UNC5D: variants seen among roughly 807,000 people sequenced by gnomAD.
UNC5D encodes the protein netrin receptor UNC5D.
UNC5D carries 39 observed loss-of-function variants against 105.4 expected under a neutral mutation model. The observed-to-expected ratio is 0.37, with a 90% confidence interval of 0.29 to 0.48. The LOEUF (loss-of-function observed/expected upper bound fraction) is 0.48, where lower values mean the gene tolerates loss of function less well. Ranked by LOEUF, UNC5D falls within the 20% of genes least tolerant of loss-of-function variation. The probability of loss-of-function intolerance (pLI) is 0.98; values close to 1 mark genes in which losing one functional copy is unlikely to be tolerated. For synonymous variants in UNC5D, 452 were observed against 450.4 expected (o/e 1.00, Z -0.04); for missense variants, 991 against 1,202.4 (o/e 0.82, Z 2.60).
At chr8:35,432,062 TGG>T (rs1190549932) in intron 1 of UNC5D, among the ~76,000 whole-genome samples, 2 of 152,170 alleles carry the variant, frequency 1.3e-5, no homozygotes, top group African/African-American at 2.4e-5. Flanking sequence ...GTTAAGAGTA[TGG>T]CCTCTGGAGT....
At chr8:35,238,046 T>C (rs1802582061) in intron 1 of UNC5D, among the ~76,000 whole-genome samples, 1 of 152,236 alleles carries the variant, frequency 6.6e-6, no homozygotes, top group Non-Finnish European at 1.5e-5. Context: ...AGGTTGTTCT[T>C]ACTTATCCAA....
At chr8:35,790,217 C>T in intron 16 of UNC5D, 142 bp from the exon 17 acceptor site, 1 of 851,320 alleles carries the variant, frequency 1.2e-6, no homozygotes, top group South Asian at 1.7e-5. Context: ...TAGACTGCCC[C>T]AGACCTGCCT....
intron 1 of UNC5D, among the ~76,000 whole-genome samples, chr8:35,298,587 T>G (rs999310234): frequency 2.5e-5 from 1 of 39,670 alleles, no homozygotes; most frequent in African/African-American, 8.2e-5. Flanking sequence ...TTGTTGTAGG[T>G]TTTTTTTTTT....
At chr8:35,258,469 A>C (rs1221398463) in intron 1 of UNC5D, among the ~76,000 whole-genome samples, 1 of 152,234 alleles carries the variant, frequency 6.6e-6, no homozygotes, top group East Asian at 1.9e-4. Context: ...ACTTTTTAGT[A>C]CTTATGAGCT....
At chr8:35,724,454 C>G (rs560467566) in intron 9 of UNC5D, among the ~76,000 whole-genome samples, 4 of 152,240 alleles carry the variant, frequency 2.6e-5, no homozygotes, top group African/African-American at 9.6e-5. Context: ...ATACACAGAA[C>G]AGACTAGGGA....
intron 16 of UNC5D, among the ~76,000 whole-genome samples, chr8:35,784,423 T>G (rs1434705344): frequency 6.6e-6 from 1 of 152,020 alleles, no homozygotes; most frequent in Admixed American, 6.6e-5. Context: ...GAAGACAAAA[T>G]AATGCTAAAG....
At chr8:35,787,889 A>G (rs547478408) in intron 16 of UNC5D, among the ~76,000 whole-genome samples, 12 of 152,264 alleles carry the variant, frequency 7.9e-5, no homozygotes, top group African/African-American at 1.9e-4. Context: ...ACACTCAGCC[A>G]AAACAAATTT....
intron 1 of UNC5D, among the ~76,000 whole-genome samples, chr8:35,441,907 G>T (rs146225091): frequency 2.1e-4 from 32 of 151,678 alleles, no homozygotes; most frequent in African/African-American, 7.7e-4. Flanking sequence ...TTGATGAAGC[G>T]CCCTGTCTTG....
Position 35,376,442 on chromosome 8 carries a change from A to T in UNC5D, c.103+140555A>T, listed in dbSNP as rs1217512965. ...TAAACCCCGGACCCAGGGGTGAGTGAGTAAACAGTGTAAATTGGGGGTGCC... is the reference window on the plus strand; with the variant it reads ...TAAACCCCGGACCCAGGGGTGAGTGTGTAAACAGTGTAAATTGGGGGTGCC... On this transcript the variant is annotated intron_variant, in intron 1 of 16. Coordinates refer to ENST00000404895, the MANE Select transcript of UNC5D (RefSeq NM_080872.4). Among the ~76,000 whole-genome samples the T allele has an allele frequency of 2.0e-5, 3 of 152,184 alleles. 1 individual carries two copies. The highest frequency in any genetic ancestry group is 4.4e-5 in the Non-Finnish European group (3 of 68,028).
chr8:35,485,278 C>A (rs1810753185), intron 1 of UNC5D, among the ~76,000 whole-genome samples: 1 of 152,178 alleles, frequency 6.6e-6, no homozygotes, highest in African/African-American at 2.4e-5. Flanking sequence ...ATTGTTCCTA[C>A]ATCTGCAGGA....
At chr8:35,583,450 C>A (rs1310814311) in intron 3 of UNC5D, among the ~76,000 whole-genome samples, 2 of 152,054 alleles carry the variant, frequency 1.3e-5, no homozygotes, top group Admixed American at 1.3e-4. Flanking sequence ...GGGAACTGAG[C>A]AGCCTAAGTG....
intron 1 of UNC5D, among the ~76,000 whole-genome samples, chr8:35,413,292 T>TGTTGTGTGTGTGTG (rs56157732): frequency 1.6e-5 from 2 of 127,978 alleles, no homozygotes; most frequent in African/African-American, 6.1e-5. Flanking sequence ...TGTGTGTGTG[T>TGTTGTGTGTGTGTG]TGTGTGTGTG....
At chr8:35,696,447 G>T (rs1826786528) in intron 7 of UNC5D, among the ~76,000 whole-genome samples, 2 of 151,832 alleles carry the variant, frequency 1.3e-5, no homozygotes, top group Admixed American at 6.6e-5. Context: ...AATTAATCAG[G>T]ATTCAACAGC....
At chr8:35,519,384 C>T (rs1326986453) in intron 1 of UNC5D, among the ~76,000 whole-genome samples, 2 of 152,104 alleles carry the variant, frequency 1.3e-5, no homozygotes, top group Non-Finnish European at 2.9e-5. Context: ...ATCTGCTTAG[C>T]AGGCCTCATA....
chr8:35,449,019 C>T (rs1321247986), intron 1 of UNC5D, among the ~76,000 whole-genome samples: 1 of 152,166 alleles, frequency 6.6e-6, no homozygotes, highest in African/African-American at 2.4e-5. Flanking sequence ...ATTGTTTTGG[C>T]AGAGTAGATG....
In UNC5D at chr8:35,242,719, C is replaced by T. The variant is rs376390483; in HGVS notation, c.103+6832C>T. Among the ~76,000 whole-genome samples the T allele has an allele frequency of 6.6e-5, 10 of 152,068 alleles. No individual in the cohort carries two copies. The East Asian group carries it at 1.5e-3, about 24-fold the overall frequency. On this transcript the variant is annotated intron_variant, in intron 1 of 16. Coordinates refer to ENST00000404895, the MANE Select transcript of UNC5D (RefSeq NM_080872.4). ...CAAACTCCTGACCTCGGGATCTGCC[C>T]ACCTCAGCCTCCCAAAGTGCTAGGA...
At chr8:35,504,632 C>G (rs1344841651) in intron 1 of UNC5D, among the ~76,000 whole-genome samples, 3 of 152,166 alleles carry the variant, frequency 2.0e-5, no homozygotes, top group Non-Finnish European at 1.5e-5. Flanking sequence ...TTGTTGGCTC[C>G]TTTGTTCTTT....
At chr8:35,413,428 A>G (rs1261335692) in intron 1 of UNC5D, among the ~76,000 whole-genome samples, 2 of 151,656 alleles carry the variant, frequency 1.3e-5, no homozygotes, top group Non-Finnish European at 2.9e-5. Flanking sequence ...AAACTCATTA[A>G]GAATATAGCC....
intron 1 of UNC5D, among the ~76,000 whole-genome samples, chr8:35,274,950 G>A (rs561330114): frequency 6.6e-6 from 1 of 151,854 alleles, no homozygotes; most frequent in Non-Finnish European, 1.5e-5. Context: ...AATTGGCTGG[G>A]CGTAGTGGCA....
Sources: gnomAD v4.1 joint callset for allele counts (sites outside exome capture counted in the v4.1 genomes callset) on GRCh38, gnomAD v4.1.1 for gene constraint, MANE v1.5 for transcripts, NCBI Gene and HGNC (gene_info 2026-07-23, HGNC 2026-07-21) for gene names.